The following CTNNA3 variants were observed in gnomAD, a reference collection of about 807,000 sequenced individuals.
The protein encoded by CTNNA3 is catenin alpha-3.
Under a neutral mutation model 95.7 loss-of-function variants are expected in CTNNA3, and 76 were observed. That is an observed-to-expected ratio of 0.79 (90% confidence interval 0.66 to 0.96). The LOEUF (loss-of-function observed/expected upper bound fraction) is 0.96, where lower values mean the gene tolerates loss of function less well. CTNNA3 is among the 40% of genes least tolerant of loss of function. The pLI is 0.00. For synonymous variants in CTNNA3, 431 were observed against 374.4 expected (o/e 1.15, Z -1.74); for missense variants, 1,191 against 1,089.8 (o/e 1.09, Z -1.31).
chr10:66,440,186 G>A (rs2093365573), intron 11 of CTNNA3, among the ~76,000 whole-genome samples: 1 of 152,152 alleles, frequency 6.6e-6, no homozygotes, highest in African/African-American at 2.4e-5. Context: ...ATTAATGCGA[G>A]CCAAAATGGG....
chr10:66,857,192 G>T (rs905412653), intron 7 of CTNNA3, among the ~76,000 whole-genome samples: 2 of 151,924 alleles, frequency 1.3e-5, no homozygotes, highest in African/African-American at 4.8e-5. Context: ...TGTTCATTTT[G>T]TCAAAGATCA....
chr10:66,505,814 G>A (rs866363961), intron 11 of CTNNA3, among the ~76,000 whole-genome samples: 3 of 152,094 alleles, frequency 2.0e-5, no homozygotes, highest in Non-Finnish European at 4.4e-5. Context: ...AGAAGTTGGC[G>A]TCTGGAGATG....
At position 66,927,084 on chromosome 10, in the gene CTNNA3, C is replaced by G; in HGVS notation, c.1048-151560G>C. ...AATCTCAGAAATTACAGGAGATACC[C>G]TCAAGTATATCTGCTGGTTGCTTAG... On this transcript the variant is annotated intron_variant, in intron 7 of 17. Transcript: ENST00000433211. The surrounding 1 kb of genome is among the most constrained non-coding windows in gnomAD (Gnocchi z 4.7). 6.2e-7 allele frequency: 1 copy of G among 1,614,142 alleles called. No homozygotes were observed. The highest frequency in any genetic ancestry group is 8.5e-7 in the Non-Finnish European group (1 of 1,180,032).
In CTNNA3 at chr10:66,023,021, T is replaced by C. The variant is rs540463773; in HGVS notation, c.2160-34224A>G. Among the ~76,000 whole-genome samples the C allele has an allele frequency of 3.9e-4, 60 of 152,338 alleles. 1 individual carries two copies. The South Asian group carries it at 0.012, about 31-fold the overall frequency. On this transcript the variant is annotated intron_variant, in intron 15 of 17. Transcript: ENST00000433211. ...GATATCAACCCATATCCAGTTATTT[T>C]ATTGTTGTTTTAAATAGTGTGTTTG...
At chr10:66,320,273 T>C (rs568245557) in intron 12 of CTNNA3, among the ~76,000 whole-genome samples, 9 of 152,258 alleles carry the variant, frequency 5.9e-5, no homozygotes, top group African/African-American at 1.9e-4. Flanking sequence ...TTGTGATCTT[T>C]GGCTTTGATT....
intron 13 of CTNNA3, among the ~76,000 whole-genome samples, chr10:66,125,082 C>T (rs909304062): frequency 1.6e-4 from 25 of 152,130 alleles, no homozygotes; most frequent in African/African-American, 5.6e-4. Flanking sequence ...AAATTCATCA[C>T]CAGCACATCT....
intron 3 of CTNNA3, among the ~76,000 whole-genome samples, chr10:67,579,663 C>A (rs566495987): frequency 1.8e-4 from 27 of 152,316 alleles, no homozygotes; most frequent in African/African-American, 6.3e-4. Context: ...AGTTTACAGT[C>A]CCACCAACAG....
At chr10:67,373,699 T>C (rs568273740) in intron 5 of CTNNA3, among the ~76,000 whole-genome samples, 7 of 152,346 alleles carry the variant, frequency 4.6e-5, no homozygotes, top group African/African-American at 9.6e-5. Context: ...GTATAGTTGT[T>C]ACTTTTCTGT....
At chr10:65,998,938 T>G (rs998030637) in intron 15 of CTNNA3, among the ~76,000 whole-genome samples, 1 of 152,092 alleles carries the variant, frequency 6.6e-6, no homozygotes, top group Non-Finnish European at 1.5e-5. Flanking sequence ...TTCATTGCCC[T>G]TTTTCCCATG....
At chr10:67,178,184 C>T (rs1345032645) in intron 7 of CTNNA3, among the ~76,000 whole-genome samples, 1 of 152,140 alleles carries the variant, frequency 6.6e-6, no homozygotes, top group African/African-American at 2.4e-5. Flanking sequence ...GGCCTTGGCA[C>T]ACCCTGGGGT....
chr10:66,612,340 A>C (rs1002158872), intron 10 of CTNNA3, among the ~76,000 whole-genome samples: 2 of 152,084 alleles, frequency 1.3e-5, no homozygotes, highest in Admixed American at 6.6e-5. Context: ...TTCCGAAAGC[A>C]CAGCTGTGAT....
At chr10:66,918,137 A>AT (rs2132588455) in intron 7 of CTNNA3, among the ~76,000 whole-genome samples, 1 of 152,306 alleles carries the variant, frequency 6.6e-6, no homozygotes, top group African/African-American at 2.4e-5. Flanking sequence ...ATTAATAAGA[A>AT]TTTTTTGTGC....
chr10:67,736,957 TTTTTA>T (rs945699692), intron 1 of CTNNA3, among the ~76,000 whole-genome samples: 2 of 151,988 alleles, frequency 1.3e-5, no homozygotes, highest in African/African-American at 4.8e-5. Context: ...ATCAAGTACC[TTTTTA>T]TTTTAATTTT....
intron 16 of CTNNA3, among the ~76,000 whole-genome samples, chr10:65,973,343 T>G (rs1486891284): frequency 6.6e-6 from 1 of 152,026 alleles, no homozygotes; most frequent in Non-Finnish European, 1.5e-5. Flanking sequence ...AAACAAAAAT[T>G]GACAAGTGGA....
At chr10:67,352,641 T>C (rs1162813278) in intron 5 of CTNNA3, among the ~76,000 whole-genome samples, 1 of 152,024 alleles carries the variant, frequency 6.6e-6, no homozygotes, top group African/African-American at 2.4e-5. Context: ...GCAGTGATCA[T>C]ATCTAACACA....
intron 9 of CTNNA3, among the ~76,000 whole-genome samples, chr10:66,689,566 T>C (rs1459415609): frequency 6.6e-6 from 1 of 152,204 alleles, no homozygotes; most frequent in Non-Finnish European, 1.5e-5. Context: ...AATTATATCA[T>C]ATTAAAATAT....
chr10:66,282,085 ATATGGC>A (rs2091503007), intron 12 of CTNNA3, among the ~76,000 whole-genome samples: 1 of 151,916 alleles, frequency 6.6e-6, no homozygotes. Flanking sequence ...AAGAGTGGAT[ATATGGC>A]TATCATCAGG....
intron 10 of CTNNA3, among the ~76,000 whole-genome samples, chr10:66,545,457 C>G (rs1338820325): frequency 6.6e-6 from 1 of 152,044 alleles, no homozygotes; most frequent in Non-Finnish European, 1.5e-5. Flanking sequence ...ATTCTACTGT[C>G]AAACATTTGG....
intron 11 of CTNNA3, among the ~76,000 whole-genome samples, chr10:66,438,848 C>T (rs1388261565): frequency 2.0e-5 from 3 of 152,158 alleles, no homozygotes; most frequent in African/African-American, 7.2e-5. Flanking sequence ...ATCTCCTGAT[C>T]TGTAGGTTGC....
Sources: allele counts gnomAD v4.1 joint callset (sites outside exome capture counted in the v4.1 genomes callset), GRCh38; gene constraint gnomAD v4.1.1; non-coding constraint Gnocchi (gnomAD v3.1); transcripts MANE v1.5; gene names NCBI Gene and HGNC (gene_info 2026-07-23, HGNC 2026-07-21).